ZNF804A: variants seen among roughly 807,000 people sequenced by gnomAD.
The protein encoded by ZNF804A is zinc finger protein 804A.
ZNF804A carries 2 observed loss-of-function variants against 16.5 expected under a neutral mutation model. That is an observed-to-expected ratio of 0.12 (90% CI 0.05 to 0.38). The LOEUF (loss-of-function observed/expected upper bound fraction) is 0.38. ZNF804A is among the 10% of genes least tolerant of loss of function. The pLI, the probability that ZNF804A is intolerant of heterozygous loss-of-function variation, is 0.99. For synonymous variants in ZNF804A, 534 were observed against 489.6 expected, an observed-to-expected ratio of 1.09 and a Z score of -1.20; for missense variants, 1,473 against 1,390.7, an observed-to-expected ratio of 1.06 and a Z score of -0.94.
At chr2:184,874,204 A>T (rs1696017938) in intron 2 of ZNF804A, among the ~76,000 whole-genome samples, 1 of 152,158 alleles carries the variant, frequency 6.6e-6, no homozygotes. Flanking sequence ...AAAATGGAAA[A>T]TGATGAATAC....
chr2:184,688,275 T>A (rs139762969), intron 1 of ZNF804A, among the ~76,000 whole-genome samples: 1 of 152,118 alleles, frequency 6.6e-6, no homozygotes, highest in Non-Finnish European at 1.5e-5. Context: ...CTTAGGATAC[T>A]GGGCAGGATT....
At chr2:184,707,060 G>A (rs1693042773) in intron 1 of ZNF804A, among the ~76,000 whole-genome samples, 1 of 152,082 alleles carries the variant, frequency 6.6e-6, no homozygotes. Context: ...GAGATTCAAG[G>A]CTGCCAATTG....
intron 1 of ZNF804A, among the ~76,000 whole-genome samples, chr2:184,802,139 GA>G (rs1694736483): frequency 6.6e-6 from 1 of 152,254 alleles, no homozygotes; most frequent in African/African-American, 2.4e-5. Context: ...GTACCTTTCA[GA>G]ATCCTGTGAT....
chr2:184,748,578 G>T (rs1304194591), intron 1 of ZNF804A, among the ~76,000 whole-genome samples: 1 of 151,334 alleles, frequency 6.6e-6, no homozygotes, highest in Non-Finnish European at 1.5e-5. Context: ...CCTACAGATT[G>T]TCTCTTTATT....
intron 2 of ZNF804A, among the ~76,000 whole-genome samples, chr2:184,882,504 A>C (rs186991192): frequency 2.0e-5 from 3 of 152,206 alleles, no homozygotes; most frequent in East Asian, 1.9e-4. Flanking sequence ...CATTATATAC[A>C]TTCTTCTCAT....
At chr2:184,696,436 T>C (rs989727755) in intron 1 of ZNF804A, among the ~76,000 whole-genome samples, 6 of 152,238 alleles carry the variant, frequency 3.9e-5, no homozygotes, top group Non-Finnish European at 8.8e-5. Flanking sequence ...TTCTGGCTTA[T>C]TATTGGGAAG....
At chr2:184,906,605 TC>T (rs1296905203) in intron 2 of ZNF804A, among the ~76,000 whole-genome samples, 2 of 152,048 alleles carry the variant, frequency 1.3e-5, no homozygotes, top group African/African-American at 4.8e-5. Context: ...CTGGAACATT[TC>T]CTTTTTAATG....
chr2:184,820,054 C>G (rs1363125016), intron 1 of ZNF804A, among the ~76,000 whole-genome samples: 1 of 152,052 alleles, frequency 6.6e-6, no homozygotes, highest in Non-Finnish European at 1.5e-5. Context: ...GGACTCCTCT[C>G]TAACTCATTA....
Position 184,938,714 on chromosome 2 carries a change from CGCTGCAGCTGCTGCAGCT to C in ZNF804A, c.3321_3338del (p.Ala1114_Ala1119del), listed in dbSNP as rs779223489. The C allele has an allele frequency of 1.9e-6, 3 of 1,612,404 alleles. No homozygotes were observed. Among genetic ancestry groups the C allele is most frequent in the South Asian group, 2.2e-5 (2 of 91,052 alleles). On this transcript the variant is annotated inframe_deletion, in exon 4 of 4. Transcript: ENST00000302277. ...TCCATCACACTGTTTTGCAGCAGCA[CGCTGCAGCTGCTGCAGCT>C]GCAGCTGCAGCCGCAGCTGCAGGAA...
rs1693808553 is a variant in ZNF804A at position 184,747,507 on chromosome 2, CCGTTAT to C, written c.112-118861_112-118856del. Among the ~76,000 whole-genome samples the C allele has an allele frequency of 2.7e-5, 4 of 150,674 alleles. No homozygotes were observed. In the Admixed American group the frequency reaches 2.7e-4, roughly 10 times the overall value. On this transcript the variant is annotated intron_variant, in intron 1 of 3. Coordinates refer to ENST00000302277, the MANE Select transcript of ZNF804A (RefSeq NM_194250.2). The stretch of plus-strand genomic sequence containing the variant: ...TTACATACAAAATAAATTGATCACA[CCGTTAT>C]GTATTTCATAAATAATGTTCTTCTA...
intron 1 of ZNF804A, among the ~76,000 whole-genome samples, chr2:184,601,070 A>T (rs916973626): frequency 2.0e-5 from 3 of 152,142 alleles, no homozygotes; most frequent in Non-Finnish European, 4.4e-5. Flanking sequence ...AGATGATTTT[A>T]AAACGGCCCA....
At chr2:184,799,687 C>A (rs1019334737) in intron 1 of ZNF804A, among the ~76,000 whole-genome samples, 1 of 152,044 alleles carries the variant, frequency 6.6e-6, no homozygotes, top group Non-Finnish European at 1.5e-5. Context: ...TTATGCCTGG[C>A]TACTATTTTT....
chr2:184,773,718 G>A (rs1481175170), intron 1 of ZNF804A, among the ~76,000 whole-genome samples: 1 of 151,754 alleles, frequency 6.6e-6, no homozygotes, highest in South Asian at 2.1e-4. Flanking sequence ...CTCGGTGATG[G>A]ATGCACCAAA....
At chr2:184,638,119 C>T (rs748095909) in intron 1 of ZNF804A, among the ~76,000 whole-genome samples, 27 of 152,134 alleles carry the variant, frequency 1.8e-4, no homozygotes, top group Admixed American at 5.9e-4. Context: ...GTTCTCTGAT[C>T]CTCCTCCTTG....
chr2:184,628,078 GC>G (rs760420027), intron 1 of ZNF804A, among the ~76,000 whole-genome samples: 208 of 152,274 alleles, frequency 1.4e-3, no homozygotes, highest in Non-Finnish European at 2.5e-3. Flanking sequence ...ACTTTGGGAG[GC>G]CGAGGCGGGC....
intron 1 of ZNF804A, among the ~76,000 whole-genome samples, chr2:184,708,135 A>G (rs985356703): frequency 6.6e-6 from 1 of 151,824 alleles, no homozygotes; most frequent in Non-Finnish European, 1.5e-5. Context: ...CAATTTTTTT[A>G]AAATGCTTGT....
intron 2 of ZNF804A, among the ~76,000 whole-genome samples, chr2:184,869,728 A>C (rs1333259896): frequency 2.0e-5 from 3 of 152,048 alleles, no homozygotes; most frequent in Non-Finnish European, 4.4e-5. Flanking sequence ...CATGTAGGCT[A>C]ATAGAGTCTT....
intron 1 of ZNF804A, among the ~76,000 whole-genome samples, chr2:184,783,642 A>G (rs1694406257): frequency 6.6e-6 from 1 of 151,840 alleles, no homozygotes; most frequent in South Asian, 2.1e-4. Context: ...GGAAAACCTT[A>G]ATACATCAGC....
At chr2:184,704,749 C>G (rs1179260113) in intron 1 of ZNF804A, among the ~76,000 whole-genome samples, 1 of 152,054 alleles carries the variant, frequency 6.6e-6, no homozygotes, top group Non-Finnish European at 1.5e-5. Context: ...CTTTTATTTT[C>G]TTAGGGAATG....
Sources: gnomAD v4.1 joint callset for allele counts (sites outside exome capture counted in the v4.1 genomes callset) on GRCh38, gnomAD v4.1.1 for gene constraint, MANE v1.5 for transcripts, NCBI Gene and HGNC (gene_info 2026-07-23, HGNC 2026-07-21) for gene names.